PCDH15: variants seen among roughly 807,000 people sequenced by gnomAD.
PCDH15 encodes protocadherin-15.
PCDH15 carries 129 observed loss-of-function variants against 178.5 expected under a neutral mutation model. That is an observed-to-expected ratio of 0.72 (90% CI 0.63 to 0.84). PCDH15 has a LOEUF of 0.84. Among genes scored for constraint, PCDH15 ranks in the 40% least tolerant of loss-of-function variants. PCDH15 has a pLI of 0.00. For synonymous variants in PCDH15, 800 were observed against 732.0 expected, an observed-to-expected ratio of 1.09 and a Z score of -1.50; for missense variants, 2,230 against 2,099.9, an observed-to-expected ratio of 1.06 and a Z score of -1.21.
intron 25 of PCDH15, among the ~76,000 whole-genome samples, chr10:53,914,567 G>A (rs2083391315): frequency 1.3e-5 from 2 of 152,128 alleles, no homozygotes; most frequent in South Asian, 4.1e-4. Context: ...TGAACAATGA[G>A]AACACTTGGA....
chr10:55,321,630 G>T (rs1420377108), upstream of PCDH15, among the ~76,000 whole-genome samples: 1 of 152,160 alleles, frequency 6.6e-6, no homozygotes, highest in Non-Finnish European at 1.5e-5. Flanking sequence ...CCTACAAAGG[G>T]AACCCCATCA....
intron 3 of PCDH15, among the ~76,000 whole-genome samples, chr10:54,478,998 G>C (rs1226490177): frequency 6.9e-6 from 1 of 145,816 alleles, no homozygotes; most frequent in Non-Finnish European, 1.5e-5. Context: ...GGATAAGCTA[G>C]GGAAAAGAAA....
chr10:54,910,797 T>C (rs1662778136), intron 2 of PCDH15, among the ~76,000 whole-genome samples: 3 of 152,156 alleles, frequency 2.0e-5, no homozygotes, highest in Admixed American at 2.0e-4. Flanking sequence ...AATAAATAAA[T>C]GAACAAACAA....
chr10:54,451,845 T>A (rs1331417040), intron 3 of PCDH15, among the ~76,000 whole-genome samples: 1 of 151,968 alleles, frequency 6.6e-6, no homozygotes, highest in Admixed American at 6.6e-5. Context: ...ATGCAACTTT[T>A]TGTAAGTACA....
chr10:55,232,431 T>C (rs758080230), intron 1 of PCDH15, among the ~76,000 whole-genome samples: 1 of 152,170 alleles, frequency 6.6e-6, no homozygotes, highest in Admixed American at 6.5e-5. Flanking sequence ...ATATAATGTA[T>C]AATGTTTTTC....
chr10:55,611,888 G>T (rs1843374305), intron 2 of PCDH15, among the ~76,000 whole-genome samples: 1 of 151,970 alleles, frequency 6.6e-6, no homozygotes, highest in Non-Finnish European at 1.5e-5. Flanking sequence ...AAAATCTAGA[G>T]GATCGTATGT....
intron 5 of PCDH15, among the ~76,000 whole-genome samples, chr10:54,356,481 A>G (rs2134367193): frequency 6.6e-6 from 1 of 151,908 alleles, no homozygotes; most frequent in South Asian, 2.1e-4. Context: ...ATAGTTATGT[A>G]TTTATATATG....
At chr10:54,129,402 G>T (rs1217534477) in intron 15 of PCDH15, among the ~76,000 whole-genome samples, 1 of 152,042 alleles carries the variant, frequency 6.6e-6, no homozygotes, top group African/African-American at 2.4e-5. Context: ...TTGTTTGTTT[G>T]TTATTAGAAA....
At chr10:54,462,906 G>A (rs2136503918) in intron 3 of PCDH15, among the ~76,000 whole-genome samples, 1 of 151,600 alleles carries the variant, frequency 6.6e-6, no homozygotes, top group East Asian at 1.9e-4. Context: ...CCTTTAGTTT[G>A]TATTGTGTTG....
chr10:55,220,270 C>T (rs907413375), intron 1 of PCDH15, among the ~76,000 whole-genome samples: 12 of 151,880 alleles, frequency 7.9e-5, no homozygotes, highest in Non-Finnish European at 1.3e-4. Flanking sequence ...CTGATGTTTC[C>T]ATATTTTCTT....
At chr10:54,480,264 G>T (rs2078618539) in intron 3 of PCDH15, among the ~76,000 whole-genome samples, 1 of 151,986 alleles carries the variant, frequency 6.6e-6, no homozygotes, top group Non-Finnish European at 1.5e-5. Context: ...TATGCCAGTG[G>T]GTCAAGTAAG....
chr10:55,074,401 C>T (rs1841828074), intron 2 of PCDH15, among the ~76,000 whole-genome samples: 1 of 152,118 alleles, frequency 6.6e-6, no homozygotes, highest in Non-Finnish European at 1.5e-5. Flanking sequence ...TAATAATCAC[C>T]ATTCTGACTG....
chr10:55,517,082 G>A (rs1841031215), intron 2 of PCDH15, among the ~76,000 whole-genome samples: 1 of 151,618 alleles, frequency 6.6e-6, no homozygotes, highest in East Asian at 1.9e-4. Context: ...ACTACTAAGG[G>A]TATTTGAAAA....
chr10:55,546,092 CAT>C (rs1014194969), intron 2 of PCDH15, among the ~76,000 whole-genome samples: 2 of 152,042 alleles, frequency 1.3e-5, no homozygotes, highest in African/African-American at 4.8e-5. Flanking sequence ...CAAGATGCGA[CAT>C]GTTACTTACC....
At chr10:54,152,983 T>A in intron 14 of PCDH15, 117 bp downstream of exon 14, 1 of 1,247,702 alleles carries the variant, frequency 8.0e-7, no homozygotes, top group Non-Finnish European at 1.1e-6. Context: ...TCTCTCTGAT[T>A]TTCTGATCTA....
chr10:54,756,125 C>A (rs1042026855), intron 1 of PCDH15, among the ~76,000 whole-genome samples: 2 of 149,310 alleles, frequency 1.3e-5, no homozygotes, highest in African/African-American at 5.0e-5. Flanking sequence ...TGGCAGGTGC[C>A]TGTAATCCCA....
At chr10:54,919,200 C>T (rs1837420542) in intron 2 of PCDH15, among the ~76,000 whole-genome samples, 1 of 152,060 alleles carries the variant, frequency 6.6e-6, no homozygotes, top group Non-Finnish European at 1.5e-5. Context: ...CATTCCTGAA[C>T]TTATTAGCTT....
chr10:54,979,450 C>T lies in PCDH15; in HGVS notation c.-79-81950G>A, dbSNP rs1400879959. Reference sequence around the variant, plus strand: ...TTGGGAGCCCAAGGTAGGCAAATCACCTGACGTCAGGAGTTCAAGACCAGC... The same window carrying T: ...TTGGGAGCCCAAGGTAGGCAAATCATCTGACGTCAGGAGTTCAAGACCAGC... On this transcript the variant is annotated intron_variant, in intron 2 of 5. Coordinates refer to the PCDH15 transcript ENST00000458638. 2.6e-5 allele frequency among the ~76,000 whole-genome samples: 4 copies of T among 152,150 alleles called. No homozygotes were observed. The East Asian group carries it at 7.8e-4, about 29-fold the overall frequency.
At chr10:54,626,055 T>C (rs1432466929) in intron 2 of PCDH15, among the ~76,000 whole-genome samples, 4 of 152,108 alleles carry the variant, frequency 2.6e-5, no homozygotes, top group African/African-American at 9.7e-5. Context: ...GCCCCTGCCT[T>C]AGAGATTTGT....
Sources: allele counts gnomAD v4.1 joint callset (sites outside exome capture counted in the v4.1 genomes callset), GRCh38; gene constraint gnomAD v4.1.1; transcripts MANE v1.5; gene names NCBI Gene and HGNC (gene_info 2026-07-23, HGNC 2026-07-21).